The following WWOX variants were observed in gnomAD, a reference collection of about 807,000 sequenced individuals.
WWOX encodes the protein WW domain-containing oxidoreductase.
A neutral mutation model predicts 46.2 loss-of-function variants in WWOX; 69 were observed. That is an observed-to-expected ratio of 1.49 (90% CI 1.23 to 1.82). WWOX has a LOEUF of 1.82. Ranked by LOEUF, WWOX falls within the 40% of genes most tolerant of loss-of-function variation. The pLI is 0.00. For synonymous variants in WWOX, 359 were observed against 202.6 expected (o/e 1.77, Z -6.56); for missense variants, 919 against 542.6 (o/e 1.69, Z -6.89).
chr16:78,804,597 C>A (rs967612290), intron 8 of WWOX, among the ~76,000 whole-genome samples: 3 of 152,208 alleles, frequency 2.0e-5, no homozygotes, highest in South Asian at 4.1e-4. Flanking sequence ...CCAGGTCTTA[C>A]ACGTAGCTCA....
intron 8 of WWOX, among the ~76,000 whole-genome samples, chr16:78,831,300 G>A (rs79528928): frequency 6.6e-6 from 1 of 152,180 alleles, no homozygotes; most frequent in Admixed American, 6.5e-5. Context: ...TAGGCTCCTG[G>A]AGGATTGATA....
chr16:79,010,775 A>C (rs2047287578), intron 8 of WWOX, among the ~76,000 whole-genome samples: 1 of 139,478 alleles, frequency 7.2e-6, no homozygotes, highest in African/African-American at 2.6e-5. Context: ...TGCTGCCAGC[A>C]GAGGGGAAAC....
chr16:78,731,959 G>A (rs2048980959), intron 8 of WWOX, among the ~76,000 whole-genome samples: 1 of 149,210 alleles, frequency 6.7e-6, no homozygotes, highest in Non-Finnish European at 1.5e-5. Flanking sequence ...TGATCCTCCT[G>A]CCTCAGCCAT....
intron 8 of WWOX, among the ~76,000 whole-genome samples, chr16:78,755,455 A>T (rs2049620003): frequency 6.9e-6 from 1 of 143,904 alleles, no homozygotes; most frequent in African/African-American, 2.9e-5. Flanking sequence ...GATACTGATT[A>T]ATTTAAGGCT....
intron 8 of WWOX, among the ~76,000 whole-genome samples, chr16:78,652,873 C>G (rs2046997666): frequency 1.3e-5 from 2 of 152,154 alleles, no homozygotes; most frequent in African/African-American, 2.4e-5. Context: ...CGTGATTTGA[C>G]TCCCCCTTGC....
chr16:78,596,573 TG>T (rs1331668624), intron 8 of WWOX, among the ~76,000 whole-genome samples: 1 of 151,934 alleles, frequency 6.6e-6, no homozygotes, highest in East Asian at 1.9e-4. Flanking sequence ...ACAGGACAGG[TG>T]TGCAAGGACC....
intron 8 of WWOX, among the ~76,000 whole-genome samples, chr16:78,737,166 C>G (rs534118940): frequency 2.0e-5 from 3 of 151,912 alleles, no homozygotes; most frequent in Admixed American, 6.6e-5. Context: ...GTGGTATGAT[C>G]TCGGCTCACT....
At chr16:78,982,187 CT>C (rs560403156) in intron 8 of WWOX, among the ~76,000 whole-genome samples, 347 of 152,340 alleles carry the variant, frequency 2.3e-3, no homozygotes, top group African/African-American at 7.4e-3. Context: ...CAAACAGCCT[CT>C]TTCGTGCACA....
At chr16:78,952,454 C>T (rs997511768) in intron 8 of WWOX, among the ~76,000 whole-genome samples, 1 of 151,350 alleles carries the variant, frequency 6.6e-6, no homozygotes, top group East Asian at 1.9e-4. Context: ...ACGATCTTAG[C>T]TCACTGCAAC....
At chr16:78,781,702 G>T (rs1393668795) in intron 8 of WWOX, among the ~76,000 whole-genome samples, 1 of 152,148 alleles carries the variant, frequency 6.6e-6, no homozygotes, top group Non-Finnish European at 1.5e-5. Context: ...CTGAACTTGG[G>T]AGGTAGAGGA....
At chr16:78,416,086 C>G (rs192338827) in intron 6 of WWOX, among the ~76,000 whole-genome samples, 3 of 152,266 alleles carry the variant, frequency 2.0e-5, no homozygotes, top group East Asian at 3.9e-4. Context: ...TCACCTCTCA[C>G]AGATGAGAAT....
At chr16:78,870,476 T>C (rs1043048093) in intron 8 of WWOX, among the ~76,000 whole-genome samples, 1 of 152,098 alleles carries the variant, frequency 6.6e-6, no homozygotes, top group Admixed American at 6.5e-5. Flanking sequence ...TGATTCAAGA[T>C]TCAGAGCTCA....
At chr16:79,007,862 C>G (rs1391167414) in intron 8 of WWOX, among the ~76,000 whole-genome samples, 1 of 152,188 alleles carries the variant, frequency 6.6e-6, no homozygotes, top group Admixed American at 6.5e-5. Context: ...CATGGTGTCA[C>G]AAGCCCTTTA....
At chr16:79,104,493 A>G (rs1217904704) in intron 8 of WWOX, among the ~76,000 whole-genome samples, 1 of 152,234 alleles carries the variant, frequency 6.6e-6, no homozygotes, top group African/African-American at 2.4e-5. Flanking sequence ...AATGCCAAAC[A>G]TATACAAAGG....
At chr16:78,702,876 C>T (rs545164004) in intron 8 of WWOX, among the ~76,000 whole-genome samples, 3 of 152,116 alleles carry the variant, frequency 2.0e-5, no homozygotes, top group African/African-American at 7.2e-5. Flanking sequence ...TCCTGCTTTG[C>T]TCACTGCAGG....
intron 8 of WWOX, among the ~76,000 whole-genome samples, chr16:78,976,126 C>G (rs1464492203): frequency 4.6e-5 from 7 of 152,186 alleles, no homozygotes; most frequent in Non-Finnish European, 1.0e-4. Context: ...GTTGTCCATC[C>G]TCGAATATCC....
intron 6 of WWOX, among the ~76,000 whole-genome samples, chr16:78,422,111 A>C (rs2082948104): frequency 6.6e-6 from 1 of 152,192 alleles, no homozygotes; most frequent in African/African-American, 2.4e-5. Flanking sequence ...TAAAATTTCT[A>C]ATGTCTGCCA....
At chr16:79,186,484 C>T (rs2051017838) in intron 8 of WWOX, among the ~76,000 whole-genome samples, 1 of 152,198 alleles carries the variant, frequency 6.6e-6, no homozygotes, top group South Asian at 2.1e-4. Context: ...GATCTCTTCT[C>T]CTTTGTTATC....
rs569522081 is a variant in WWOX, at chr16:78,902,638, C to T, written c.1057-308970C>T. ...GCTCTCTTTGGCTGCAACGCTTTTA[C>T]CATGGGTAAACCATTAGGCCGGCTC... On this transcript the variant is annotated intron_variant, in intron 8 of 8. Transcript: ENST00000566780. Among the ~76,000 whole-genome samples, 21 of 152,342 alleles carry T rather than the reference C, an allele frequency of 1.4e-4. No homozygotes were observed. The East Asian group carries it at 4.1e-3, about 29-fold the overall frequency.
Sources: allele counts gnomAD v4.1 joint callset (sites outside exome capture counted in the v4.1 genomes callset), GRCh38; gene constraint gnomAD v4.1.1; transcripts MANE v1.5; gene names NCBI Gene and HGNC (gene_info 2026-07-23, HGNC 2026-07-21).